Variants in ERO1A observed in about 807,000 individuals in gnomAD.
The protein encoded by ERO1A is ERO1-like protein alpha.
ERO1A carries 49 observed loss-of-function variants against 76.9 expected under a neutral mutation model. The ratio of observed to expected loss-of-function variants is 0.64; its 90% CI spans 0.51 to 0.81. ERO1A has a LOEUF of 0.81. Ranked by LOEUF, ERO1A falls within the 30% of genes least tolerant of loss-of-function variation. The pLI is 0.00. For synonymous variants in ERO1A, 174 were observed against 181.2 expected, an observed-to-expected ratio of 0.96 and a Z score of 0.32; for missense variants, 448 against 542.1, an observed-to-expected ratio of 0.83 and a Z score of 1.72.
chr14:52,684,442 CAAAG>C (rs1566646897), intron 1 of ERO1A, among the ~76,000 whole-genome samples: 1 of 152,080 alleles, frequency 6.6e-6, no homozygotes, highest in Non-Finnish European at 1.5e-5. Flanking sequence ...AAAAGATACA[CAAAG>C]AAGCAGAGGT....
rs560157002 is a variant in ERO1A, at chr14:52,692,301, T to C, written c.114+3067A>G. On this transcript the variant is annotated intron_variant, in intron 1 of 15. Transcript: ENST00000395686. ...TTTAATCTGATTACTTGTAGAGCTC[T>C]ACACATTTTAATTCAGTGACTTTCT... Among the ~76,000 whole-genome samples, 72 of 152,338 alleles carry C rather than the reference T, an allele frequency of 4.7e-4. 3 individuals carry two copies. In the South Asian group the frequency reaches 0.014, roughly 30 times the overall value.
chr14:52,663,342 G>C (rs2040289110), intron 8 of ERO1A, among the ~76,000 whole-genome samples: 1 of 152,044 alleles, frequency 6.6e-6, no homozygotes, highest in African/African-American at 2.4e-5. Context: ...GCTCACACCT[G>C]AAATCCCAGC....
intron 11 of ERO1A, among the ~76,000 whole-genome samples, chr14:52,654,500 T>C (rs1200283179): frequency 6.6e-6 from 1 of 152,182 alleles, no homozygotes; most frequent in Non-Finnish European, 1.5e-5. Context: ...AGGTAAGAAC[T>C]AGGGATGCTT....
chr14:52,663,845 G>A lies in ERO1A; in HGVS notation c.632C>T (p.Pro211Leu). 6.5e-7 allele frequency: 1 copy of A among 1,542,240 alleles called. No individual in the cohort carries two copies. Among genetic ancestry groups the A allele is most frequent in the Non-Finnish European group, 8.9e-7 (1 of 1,122,156 alleles). Residue 211 changes from proline to leucine, a missense_variant and splice_region_variant, in exon 8 of 16, where the codon CCA becomes CTA. Coordinates refer to ENST00000395686, the MANE Select transcript of ERO1A (RefSeq NM_014584.3). ...NVIYEENCFKPQTIKRPLNPL... is the reference protein window; with the variant it reads ...NVIYEENCFKLQTIKRPLNPL... ...ATTTAAAGGTCTTTTAATTGTCTGTGGCCTAGAAGTAAAAAGAATTAAAAA... is the reference window on the plus strand; with the variant it reads ...ATTTAAAGGTCTTTTAATTGTCTGTAGCCTAGAAGTAAAAAGAATTAAAAA...
intron 7 of ERO1A, 36 bp downstream of exon 7, chr14:52,666,339 C>T: frequency 6.8e-7 from 1 of 1,469,904 alleles, no homozygotes; most frequent in Non-Finnish European, 9.3e-7. Flanking sequence ...ATCACCACAT[C>T]TTATAGGAAT....
chr14:52,682,482 G>C (rs2079241896), intron 2 of ERO1A, 74 bp from the exon 3 acceptor site: 4 of 1,148,408 alleles, frequency 3.5e-6, no homozygotes, highest in Admixed American at 1.9e-5. Flanking sequence ...ACAAATTATG[G>C]TGCTATAACT....
chr14:52,692,816 T>TC (rs777633184), intron 1 of ERO1A, among the ~76,000 whole-genome samples: 4 of 151,990 alleles, frequency 2.6e-5, no homozygotes, highest in African/African-American at 4.8e-5. Flanking sequence ...CCATTTTTTT[T>TC]CTTTTCCCTC....
chr14:52,655,382 T>C (rs1210875810), intron 11 of ERO1A, among the ~76,000 whole-genome samples: 1 of 152,072 alleles, frequency 6.6e-6, no homozygotes, highest in Non-Finnish European at 1.5e-5. Context: ...AAAAAATTCT[T>C]ACACAAAGTG....
chr14:52,664,505 A>G (rs1288650945), intron 7 of ERO1A, among the ~76,000 whole-genome samples: 4 of 152,204 alleles, frequency 2.6e-5, no homozygotes, highest in Non-Finnish European at 5.9e-5. Context: ...AACTGGAGAC[A>G]TTTTGAGAAC....
At chr14:52,651,230 A>G (rs1057441359) in intron 13 of ERO1A, among the ~76,000 whole-genome samples, 10 of 152,104 alleles carry the variant, frequency 6.6e-5, no homozygotes, top group Admixed American at 4.6e-4. Flanking sequence ...CAAGGTAGCA[A>G]TGAGCCGTGA....
At chr14:52,690,197 A>T (rs1180278934) in intron 1 of ERO1A, among the ~76,000 whole-genome samples, 1 of 152,248 alleles carries the variant, frequency 6.6e-6, no homozygotes, top group African/African-American at 2.4e-5. Flanking sequence ...GAAAAGCTCC[A>T]TGACATTAGT....
Position 52,682,357 on chromosome 14 carries a change from T to G in ERO1A, c.286A>C (p.Arg96=). The change falls in exon 3 of 16, where the codon AGA becomes CGA. Residue 96 remains arginine, a synonymous_variant. Transcript: ENST00000395686. The part of the protein sequence containing the change: ...PFWNDISQCG[R]RDCAVKPCQS... The stretch of plus-strand genomic sequence containing the variant: ...CATGGTTTGACAGCACAGTCCCTTC[T>G]TCCACACTGGCTGATGTCATTCCAG... 1 of 1,612,208 alleles carries G rather than the reference T, an allele frequency of 6.2e-7. No individual in the cohort carries two copies. The highest frequency in any genetic ancestry group is 8.5e-7 in the Non-Finnish European group (1 of 1,178,886).
chr14:52,672,975 C>T (rs2040658719), intron 4 of ERO1A, among the ~76,000 whole-genome samples: 1 of 152,034 alleles, frequency 6.6e-6, no homozygotes, highest in African/African-American at 2.4e-5. Flanking sequence ...TTTCAGAATA[C>T]AATTTCTGAA....
chr14:52,686,072 C>A (rs2041167478), intron 1 of ERO1A, among the ~76,000 whole-genome samples: 1 of 152,170 alleles, frequency 6.6e-6, no homozygotes, highest in Non-Finnish European at 1.5e-5. Flanking sequence ...ATTAGCCGGG[C>A]ATGGTGGCCC....
Position 52,682,697 on chromosome 14 carries a change from G to C in ERO1A, c.235-289C>G, listed in dbSNP as rs578180840. 2.6e-5 allele frequency among the ~76,000 whole-genome samples: 4 copies of C among 151,508 alleles called. No individual in the cohort carries two copies. The South Asian group carries it at 8.3e-4, about 32-fold the overall frequency. On this transcript the variant is annotated intron_variant, in intron 2 of 15. Transcript: ENST00000395686. ...GCGGATCACCTGAGGTCAGGAGTTT[G>C]AGACCAGCCTGGCCAACGTGGCGAA...
At chr14:52,665,449 C>CAA in intron 7 of ERO1A, among the ~76,000 whole-genome samples, 1 of 142,990 alleles carries the variant, frequency 7.0e-6, no homozygotes. Context: ...TTCTTCAAGT[C>CAA]AAAAAAAAAA....
intron 15 of ERO1A, 54 bp from the exon 16 acceptor site, chr14:52,643,684 A>G (rs1594816712): frequency 2.1e-6 from 2 of 945,898 alleles, no homozygotes; most frequent in Non-Finnish European, 3.1e-6. Flanking sequence ...TTTTATCTGT[A>G]AAAGTTATTC....
intron 12 of ERO1A, among the ~76,000 whole-genome samples, chr14:52,652,697 A>G (rs1464875759): frequency 6.6e-6 from 1 of 152,204 alleles, no homozygotes; most frequent in African/African-American, 2.4e-5. Context: ...CTCTAAATGA[A>G]TATTAAAAAT....
intron 8 of ERO1A, among the ~76,000 whole-genome samples, chr14:52,662,903 T>C (rs1157053190): frequency 6.6e-6 from 1 of 152,004 alleles, no homozygotes; most frequent in African/African-American, 2.4e-5. Context: ...GATCGATAGA[T>C]ACATAAATAA....
Sources: gnomAD v4.1 joint callset for allele counts (sites outside exome capture counted in the v4.1 genomes callset) on GRCh38, gnomAD v4.1.1 for gene constraint, MANE v1.5 for transcripts, NCBI Gene and HGNC (gene_info 2026-07-23, HGNC 2026-07-21) for gene names.